The following CRB1 variants were observed in gnomAD, a reference collection of about 807,000 sequenced individuals.
CRB1 encodes the protein crumbs cell polarity complex component 1.
Under a neutral mutation model 120.0 loss-of-function variants are expected in CRB1, and 83 were observed. That is an observed-to-expected ratio of 0.69 (90% confidence interval 0.58 to 0.83). The LOEUF (loss-of-function observed/expected upper bound fraction) is 0.83, where lower values mean the gene tolerates loss of function less well. Among genes scored for constraint, CRB1 ranks in the 40% least tolerant of loss-of-function variants. The probability of loss-of-function intolerance (pLI) is 0.00; values close to 1 mark genes in which losing one functional copy is unlikely to be tolerated. For missense variants in CRB1, 1,699 were observed against 1,687.6 expected, an observed-to-expected ratio of 1.01 and a Z score of -0.12; for synonymous variants, 625 against 612.5, an observed-to-expected ratio of 1.02 and a Z score of -0.30.
At chr1:197,417,976 G>GTT (rs963106171) in intron 5 of CRB1, among the ~76,000 whole-genome samples, 1 of 145,248 alleles carries the variant, frequency 6.9e-6, no homozygotes, top group Non-Finnish European at 1.5e-5. Flanking sequence ...TTATTGCTTT[G>GTT]TTTTTTTTTT....
At chr1:197,308,386 A>G (rs1657301382) in intron 1 of CRB1, among the ~76,000 whole-genome samples, 2 of 152,188 alleles carry the variant, frequency 1.3e-5, no homozygotes, top group Non-Finnish European at 2.9e-5. Context: ...TTCCCATGTA[A>G]CAAACCTGCA....
At chr1:197,329,538 C>T (rs1237634552) in intron 2 of CRB1, among the ~76,000 whole-genome samples, 2 of 152,134 alleles carry the variant, frequency 1.3e-5, no homozygotes, top group African/African-American at 4.8e-5. Context: ...ACAATTGTAC[C>T]TCATATTTAT....
intron 1 of CRB1, among the ~76,000 whole-genome samples, chr1:197,316,426 G>A (rs972443591): frequency 5.9e-5 from 9 of 151,886 alleles, no homozygotes; most frequent in Middle Eastern, 6.8e-3. Flanking sequence ...CTCGTGATCC[G>A]CCCGCCTCGG....
At chr1:197,264,901 A>G (rs1445346748), upstream of CRB1, among the ~76,000 whole-genome samples, 1 of 152,006 alleles carries the variant, frequency 6.6e-6, no homozygotes, top group Non-Finnish European at 1.5e-5. Flanking sequence ...CTGGGATTAC[A>G]GACGTGAGCC....
At chr1:197,287,411 C>A (rs1460156800) in intron 1 of CRB1, among the ~76,000 whole-genome samples, 2 of 151,764 alleles carry the variant, frequency 1.3e-5, no homozygotes, top group Non-Finnish European at 2.9e-5. Flanking sequence ...TTACATTAAC[C>A]CATCAACATA....
intron 11 of CRB1, chr1:197,442,547 C>G: frequency 7.0e-7 from 1 of 1,435,896 alleles, no homozygotes; most frequent in Non-Finnish European, 9.1e-7. Flanking sequence ...AAATTCAAGG[C>G]TTATTTTAAA....
chr1:197,353,831 A>T (rs553238098), intron 4 of CRB1, among the ~76,000 whole-genome samples: 1 of 150,666 alleles, frequency 6.6e-6, no homozygotes, highest in Non-Finnish European at 1.5e-5. Flanking sequence ...AAAAAAAAAA[A>T]AAAAAACTTT....
In CRB1 at chr1:197,309,627, G is replaced by A. The variant is rs184138329; in HGVS notation, c.71-18795G>A. On this transcript the variant is annotated intron_variant, in intron 1 of 11. Transcript: ENST00000367400. ...AAATTAGCTGGGCGTGGTGGCAGGC[G>A]CCTGTAGTCCCAGCTATGCGGGAGG... 3.7e-4 allele frequency among the ~76,000 whole-genome samples: 57 copies of A among 152,056 alleles called. No individual in the cohort carries two copies. In the Middle Eastern group the frequency reaches 0.01, roughly 27 times the overall value.
chr1:197,397,799 C>G (rs935035713), intron 5 of CRB1, among the ~76,000 whole-genome samples: 5 of 152,038 alleles, frequency 3.3e-5, no homozygotes, highest in African/African-American at 1.2e-4. Flanking sequence ...TTGCTGGGAG[C>G]TGGAATTAGG....
intron 1 of CRB1, among the ~76,000 whole-genome samples, chr1:197,313,938 T>C (rs1657696157): frequency 6.6e-6 from 1 of 152,206 alleles, no homozygotes; most frequent in African/African-American, 2.4e-5. Flanking sequence ...TATTTGTAGG[T>C]CTGGTTAAAT....
intron 5 of CRB1, among the ~76,000 whole-genome samples, chr1:197,392,276 C>CAT (rs1389734112): frequency 5.9e-5 from 9 of 151,898 alleles, no homozygotes; most frequent in South Asian, 4.2e-4. Flanking sequence ...CACACACACA[C>CAT]ATATATATAT....
intron 11 of CRB1, among the ~76,000 whole-genome samples, chr1:197,452,788 C>T (rs1666034524): frequency 6.6e-6 from 1 of 152,014 alleles, no homozygotes; most frequent in African/African-American, 2.4e-5. Context: ...AGAAATGGTT[C>T]AGCCACTATA....
chr1:197,278,955 G>A (rs536035776), intron 1 of CRB1, among the ~76,000 whole-genome samples: 13 of 151,992 alleles, frequency 8.6e-5, no homozygotes, highest in African/African-American at 2.9e-4. Flanking sequence ...AATGTCAGAA[G>A]TCTGTGCATG....
chr1:197,264,471 T>G (rs1654587470), upstream of CRB1, among the ~76,000 whole-genome samples: 3 of 152,206 alleles, frequency 2.0e-5, no homozygotes. Flanking sequence ...ATGATTCCTT[T>G]TCTTTTGGGT....
chr1:197,265,142 C>T (rs148459568), upstream of CRB1, among the ~76,000 whole-genome samples: 165 of 152,198 alleles, frequency 1.1e-3, 1 homozygote, highest in African/African-American at 3.7e-3. Flanking sequence ...AGCTCATCTT[C>T]GGTAGAGGTT....
chr1:197,404,841 T>C (rs1026302045), intron 5 of CRB1, among the ~76,000 whole-genome samples: 5 of 152,218 alleles, frequency 3.3e-5, no homozygotes, highest in Non-Finnish European at 5.9e-5. Context: ...CTGCCAGATC[T>C]AAATTTAAGT....
chr1:197,375,134 G>A (rs909645441), intron 5 of CRB1, among the ~76,000 whole-genome samples: 1 of 151,982 alleles, frequency 6.6e-6, no homozygotes, highest in Non-Finnish European at 1.5e-5. Flanking sequence ...ATAACTGTTG[G>A]GTCTGAGATT....
At chr1:197,409,008 C>T (rs1663560290) in intron 5 of CRB1, among the ~76,000 whole-genome samples, 3 of 152,158 alleles carry the variant, frequency 2.0e-5, no homozygotes, top group Admixed American at 6.5e-5. Context: ...TTTTGTCTTT[C>T]GTTTGAAGAT....
intron 5 of CRB1, among the ~76,000 whole-genome samples, chr1:197,407,015 T>C (rs1054774915): frequency 4.3e-4 from 65 of 152,154 alleles, no homozygotes; most frequent in Non-Finnish European, 1.0e-4. Context: ...TCCAAACACC[T>C]CCTCTCTCTT....
Sources: allele counts gnomAD v4.1 joint callset (sites outside exome capture counted in the v4.1 genomes callset), GRCh38; gene constraint gnomAD v4.1.1; transcripts MANE v1.5; gene names NCBI Gene and HGNC (gene_info 2026-07-23, HGNC 2026-07-21).